CDH2: variants seen among roughly 807,000 people sequenced by gnomAD.
CDH2 encodes the protein cadherin-2.
Under a neutral mutation model 92.0 loss-of-function variants are expected in CDH2, and 17 were observed. The observed-to-expected ratio is 0.18, with a 90% confidence interval of 0.13 to 0.28. CDH2 has a LOEUF of 0.28. Ranked by LOEUF, CDH2 falls within the 10% of genes least tolerant of loss-of-function variation. CDH2 has a pLI of 1.00. For synonymous variants in CDH2, 419 were observed against 415.9 expected, an observed-to-expected ratio of 1.01 and a Z score of -0.09; for missense variants, 862 against 1,133.1, an observed-to-expected ratio of 0.76 and a Z score of 3.44.
rs1428661263 is a variant in CDH2, at chr18:28,036,392, C to A, written c.173-22483G>T. 6 of 775,326 alleles carry A rather than the reference C, an allele frequency of 7.7e-6. No homozygotes were observed. The Middle Eastern group carries it at 7.2e-4, about 93-fold the overall frequency. 48.0% of individuals were successfully genotyped at this position (775,326 alleles called of 1,614,324 possible). ...TATAAAATGTACTTTGTACATAAGT[C>A]TTCTCATTTTATGTTACTTTGTTTT... On this transcript the variant is annotated intron_variant, in intron 2 of 15. Coordinates refer to ENST00000269141, the MANE Select transcript of CDH2 (RefSeq NM_001792.5).
intron 2 of CDH2, among the ~76,000 whole-genome samples, chr18:28,063,440 T>A (rs2014443838): frequency 6.6e-6 from 1 of 152,194 alleles, no homozygotes; most frequent in African/African-American, 2.4e-5. Context: ...CTGTGAAGGC[T>A]ATGGAAGTCT....
chr18:28,127,688 G>A (rs577361674), intron 2 of CDH2, among the ~76,000 whole-genome samples: 1 of 152,176 alleles, frequency 6.6e-6, no homozygotes, highest in South Asian at 2.1e-4. Flanking sequence ...AAAAAACAGA[G>A]TTTATTACAG....
intron 1 of CDH2, among the ~76,000 whole-genome samples, chr18:28,170,986 CG>C (rs1186072465): frequency 1.3e-5 from 2 of 151,152 alleles, no homozygotes; most frequent in African/African-American, 2.4e-5. Flanking sequence ...CCGAGCACTT[CG>C]GGAGGCCGAG....
At chr18:27,989,130 C>G (rs1298754056) in intron 10 of CDH2, among the ~76,000 whole-genome samples, 1 of 152,200 alleles carries the variant, frequency 6.6e-6, no homozygotes, top group African/African-American at 2.4e-5. Flanking sequence ...CAACATGAAG[C>G]CACACTGGAG....
At chr18:28,161,588 A>G (rs1249485213) in intron 1 of CDH2, among the ~76,000 whole-genome samples, 1 of 151,706 alleles carries the variant, frequency 6.6e-6, no homozygotes. Flanking sequence ...TCGAAAAAAA[A>G]AAAAAAAAAA....
chr18:28,160,369 C>T (rs868094393), intron 1 of CDH2, among the ~76,000 whole-genome samples: 1 of 152,046 alleles, frequency 6.6e-6, no homozygotes. Context: ...TCAGCTTGAA[C>T]GTGCTGAGGG....
At chr18:27,965,466 G>T (rs1232129718) in intron 14 of CDH2, among the ~76,000 whole-genome samples, 1 of 152,222 alleles carries the variant, frequency 6.6e-6, no homozygotes, top group East Asian at 1.9e-4. Context: ...TCTATGGGCT[G>T]GCGACAAAGC....
intron 14 of CDH2, among the ~76,000 whole-genome samples, chr18:27,976,517 G>T (rs2011835836): frequency 6.6e-6 from 1 of 152,266 alleles, no homozygotes; most frequent in African/African-American, 2.4e-5. Flanking sequence ...GGTTGAACAT[G>T]AGCTTTGTAA....
intron 14 of CDH2, among the ~76,000 whole-genome samples, chr18:27,980,304 CT>C (rs2012003542): frequency 6.6e-6 from 1 of 152,194 alleles, no homozygotes; most frequent in African/African-American, 2.4e-5. Flanking sequence ...GGGTGCAGCG[CT>C]GAAGAGCTGT....
At chr18:28,147,437 A>T (rs2144326633) in intron 2 of CDH2, among the ~76,000 whole-genome samples, 1 of 152,264 alleles carries the variant, frequency 6.6e-6, no homozygotes, top group South Asian at 2.1e-4. Flanking sequence ...GTTTCTCTGT[A>T]AATTAAAAAT....
intron 13 of CDH2, among the ~76,000 whole-genome samples, chr18:27,984,095 G>T (rs1248335624): frequency 6.6e-6 from 1 of 152,162 alleles, no homozygotes; most frequent in East Asian, 1.9e-4. Flanking sequence ...TCAAATTATA[G>T]CCAAAGTAGT....
In CDH2 at chr18:28,009,633, C is replaced by T. The variant is rs537105976; in HGVS notation, c.702+84G>A. The T allele has an allele frequency of 6.2e-4, 748 of 1,205,154 alleles. 1 individual carries two copies. The highest frequency in any genetic ancestry group is 2.1e-3 in the South Asian group (122 of 58,588). 74.7% of individuals were successfully genotyped at this position (1,205,154 alleles called of 1,614,324 possible). On this transcript the variant is annotated intron_variant, in intron 5 of 15. Transcript: ENST00000269141. ...TTAAAACTCTCAGTATTGAGGCTTTCAGACTGATATAAGAGGCAATGGTAA... is the reference window on the plus strand; with the variant it reads ...TTAAAACTCTCAGTATTGAGGCTTTTAGACTGATATAAGAGGCAATGGTAA...
intron 2 of CDH2, among the ~76,000 whole-genome samples, chr18:28,131,657 G>A (rs1233822426): frequency 1.3e-5 from 2 of 149,828 alleles, no homozygotes; most frequent in African/African-American, 2.5e-5. Flanking sequence ...ATAAAAGAGA[G>A]AAGATACTGT....
At chr18:28,138,012 AT>A (rs2015892743) in intron 2 of CDH2, among the ~76,000 whole-genome samples, 1 of 151,858 alleles carries the variant, frequency 6.6e-6, no homozygotes, top group South Asian at 2.1e-4. Context: ...TGTTCATTTA[AT>A]TATTTAAAGA....
intron 2 of CDH2, among the ~76,000 whole-genome samples, chr18:28,071,396 A>G (rs1245398355): frequency 6.6e-6 from 1 of 152,058 alleles, no homozygotes; most frequent in Non-Finnish European, 1.5e-5. Flanking sequence ...GCAGGAAGTC[A>G]AGCAGGAAAA....
At chr18:28,158,757 G>A (rs1431560721) in intron 1 of CDH2, among the ~76,000 whole-genome samples, 1 of 152,132 alleles carries the variant, frequency 6.6e-6, no homozygotes, top group Admixed American at 6.5e-5. Flanking sequence ...TTTTCCAGAG[G>A]CTATGTTATG....
At chr18:27,997,696 C>T (rs965654277) in intron 7 of CDH2, among the ~76,000 whole-genome samples, 2 of 152,040 alleles carry the variant, frequency 1.3e-5, no homozygotes, top group Admixed American at 6.6e-5. Flanking sequence ...TCATAAATCA[C>T]GGGTTTCAGG....
chr18:28,146,802 G>A (rs963086092), intron 2 of CDH2: 1 of 152,038 alleles, frequency 6.6e-6, no homozygotes, highest in African/African-American at 2.4e-5. Flanking sequence ...TCTAAAAGCA[G>A]CTCTCTAAAA....
At chr18:28,007,785 T>C (rs904622820) in intron 5 of CDH2, among the ~76,000 whole-genome samples, 3 of 152,098 alleles carry the variant, frequency 2.0e-5, no homozygotes, top group East Asian at 1.9e-4. Context: ...TAAGAGTGCA[T>C]TGGCACGATC....
Sources: allele counts gnomAD v4.1 joint callset (sites outside exome capture counted in the v4.1 genomes callset), GRCh38; gene constraint gnomAD v4.1.1; transcripts MANE v1.5; gene names NCBI Gene and HGNC (gene_info 2026-07-23, HGNC 2026-07-21).